Variants in CDH17 observed in about 807,000 individuals in gnomAD.
The protein encoded by CDH17 is cadherin 17.
Under a neutral mutation model 86.3 loss-of-function variants are expected in CDH17, and 67 were observed. That is an observed-to-expected ratio of 0.78 (90% CI 0.64 to 0.95). The LOEUF is 0.95. Ranked by LOEUF, CDH17 falls within the 40% of genes least tolerant of loss-of-function variation. CDH17 has a pLI of 0.00. For missense variants in CDH17, 993 were observed against 1,017.6 expected, an observed-to-expected ratio of 0.98 and a Z score of 0.33; for synonymous variants, 367 against 366.4, an observed-to-expected ratio of 1.00 and a Z score of -0.02.
In CDH17 at chr8:94,200,150, G is replaced by A. The variant is rs1813876415; in HGVS notation, c.-20-5445C>T. On this transcript the variant is annotated intron_variant, in intron 1 of 17. Transcript: ENST00000027335. ...CTAGTGCTAGGATTATGTCAAAAGA[G>A]GACTTTGGTCTCTCAAACAGGTCCC... is the stretch of plus-strand genomic sequence containing the variant. Among the ~76,000 whole-genome samples, 2 of 152,126 alleles carry A rather than the reference G, an allele frequency of 1.3e-5. 1 individual carries two copies. The highest frequency in any genetic ancestry group is 4.1e-4 in the South Asian group (2 of 4,824).
chr8:94,159,977 A>C lies in CDH17; in HGVS notation c.1545T>G (p.Ile515Met), dbSNP rs773469174. 1 of 1,601,188 alleles carries C rather than the reference A, an allele frequency of 6.2e-7. No individual in the cohort carries two copies. Among genetic ancestry groups the C allele is most frequent in the Non-Finnish European group, 8.5e-7 (1 of 1,175,354 alleles). Residue 515 changes from isoleucine (I) to methionine (M), a missense_variant, in exon 12 of 18, where the codon ATT becomes ATG. Physicochemically the swap from Ile to Met is conservative, Grantham distance 10. Coordinates refer to ENST00000027335, the MANE Select transcript of CDH17 (RefSeq NM_004063.4). ...AAATAAATGGGCTATTTACCTTTTT[A>C]ATTATGACATATCCGGTGTTGGTAT... Reference protein sequence around the residue: ...DPHTNTGYVIIKKPLDFETAA... With the variant: ...DPHTNTGYVIMKKPLDFETAA...
intron 3 of CDH17, among the ~76,000 whole-genome samples, chr8:94,179,980 G>A (rs1340040936): frequency 6.6e-6 from 1 of 151,764 alleles, no homozygotes; most frequent in Non-Finnish European, 1.5e-5. Context: ...CCCAGATGTT[G>A]GATTTACTAA....
intron 2 of CDH17, 137 bp from the exon 3 acceptor site, chr8:94,189,422 G>C (rs1003736441): frequency 1.6e-6 from 1 of 635,438 alleles, no homozygotes; most frequent in African/African-American, 1.8e-5. Flanking sequence ...ACAGGAAAGA[G>C]TGTAATAGCT....
At position 94,155,784 on chromosome 8, in the gene CDH17, T is replaced by C. The variant is rs567053105; in HGVS notation, c.1552-3672A>G. On this transcript the variant is annotated intron_variant, in intron 12 of 17. Coordinates refer to ENST00000027335, the MANE Select transcript of CDH17 (RefSeq NM_004063.4). ...GGGATGGATTCGAGGTGATCCACAC[T>C]GGGGCGGGAAGACTAGCTAGAAGGC... Among the ~76,000 whole-genome samples the C allele has an allele frequency of 2.0e-5, 3 of 152,228 alleles. No homozygotes were observed. The South Asian group carries it at 6.2e-4, about 32-fold the overall frequency.
chr8:94,145,840 T>G, intron 15 of CDH17, 88 bp downstream of exon 15: 1 of 1,396,864 alleles, frequency 7.2e-7, no homozygotes, highest in Non-Finnish European at 9.8e-7. Context: ...AGAAAGCTCT[T>G]TGCTGAGTAC....
intron 5 of CDH17, 48 bp from the exon 6 acceptor site, chr8:94,174,308 G>A: frequency 1.3e-6 from 2 of 1,519,152 alleles, no homozygotes; most frequent in South Asian, 1.3e-5. Context: ...GATATTAATT[G>A]AAACCCAAAC....
intron 2 of CDH17, among the ~76,000 whole-genome samples, chr8:94,193,611 AC>A (rs1450703701): frequency 6.6e-6 from 1 of 152,152 alleles, no homozygotes; most frequent in Non-Finnish European, 1.5e-5. Context: ...ATTTGTCACT[AC>A]CCTGGGATAA....
rs201712089 is a variant in CDH17 at position 94,151,896 on chromosome 8, C to A, written c.1768G>T (p.Ala590Ser). 2.1e-4 allele frequency: 347 copies of A among 1,614,232 alleles called. No homozygotes were observed. Among genetic ancestry groups the A allele is most frequent in the Non-Finnish European group, 2.6e-4 (311 of 1,180,022 alleles). ...ATGTCCAGACCTTCTGGATCCTTGG[C>A]AGTCACATTGCCCACTTTAGTGCCT... ...AIGTKVGNVT[A>S]KDPEGLDISY... The change falls in exon 13 of 18, where the codon GCC becomes TCC. Residue 590 changes from alanine (A) to serine (S), a missense_variant. By Grantham distance (99) the Ala-to-Ser change is moderately conservative. Coordinates refer to ENST00000027335, the MANE Select transcript of CDH17 (RefSeq NM_004063.4).
At chr8:94,198,119 G>A (rs1195183858) in intron 1 of CDH17, among the ~76,000 whole-genome samples, 1 of 152,030 alleles carries the variant, frequency 6.6e-6, no homozygotes, top group African/African-American at 2.4e-5. Flanking sequence ...CAGAGATAGA[G>A]CTGTAGAGAT....
At chr8:94,136,231 T>TAATA (rs2130574347) in intron 15 of CDH17, among the ~76,000 whole-genome samples, 1 of 152,364 alleles carries the variant, frequency 6.6e-6, no homozygotes, top group African/African-American at 2.4e-5. Flanking sequence ...TTCTCCTGGA[T>TAATA]AATATCCTGA....
In CDH17 at chr8:94,162,083, C is replaced by A; in HGVS notation, c.1359+3G>T. On this transcript the variant is annotated splice_donor_region_variant and intron_variant, in intron 11 of 17. Transcript: ENST00000027335. ...GAAAAAACAAATAATGACAACTACT[C>A]ACATCTGATTTTTCAAAGATGGGGA... is the stretch of plus-strand genomic sequence containing the variant. The A allele has an allele frequency of 6.6e-7, 1 of 1,524,412 alleles. No homozygotes were observed. Among genetic ancestry groups the A allele is most frequent in the South Asian group, 1.1e-5 (1 of 89,072 alleles). 94.4% of individuals were successfully genotyped at this position (1,524,412 alleles called of 1,614,324 possible).
rs760098393 is a variant in CDH17 at position 94,189,252 on chromosome 8, C to T, written c.85G>A (p.Gly29Arg). ...GAAAATGTCATGGGTTTCAGGGGTC[C>T]ACTAAACTTCCCCTCTTGGCCATAT... ...TGYGQEGKFS[G>R]PLKPMTFSIY... Residue 29 changes from glycine to arginine, a missense_variant, in exon 3 of 18, where the codon GGA becomes AGA. Gly to Arg is a moderately radical substitution (Grantham distance 125). Coordinates refer to ENST00000027335, the MANE Select transcript of CDH17 (RefSeq NM_004063.4). 8 of 1,612,514 alleles carry T rather than the reference C, an allele frequency of 5.0e-6. No homozygotes were observed. Among genetic ancestry groups the T allele is most frequent in the Non-Finnish European group, 6.8e-6 (8 of 1,179,608 alleles).
chr8:94,142,018 CAG>C (rs1395133083), intron 15 of CDH17, among the ~76,000 whole-genome samples: 2 of 152,054 alleles, frequency 1.3e-5, no homozygotes, highest in African/African-American at 4.8e-5. Flanking sequence ...ATTGATGAAA[CAG>C]AAAAATTCAG....
chr8:94,155,268 G>A (rs1051935981), intron 12 of CDH17, among the ~76,000 whole-genome samples: 3 of 151,900 alleles, frequency 2.0e-5, no homozygotes, highest in Non-Finnish European at 4.4e-5. Flanking sequence ...AGTAGAGGTG[G>A]GGAGAACAAG....
intron 9 of CDH17, 94 bp from the exon 10 acceptor site, chr8:94,166,070 C>T (rs756664159): frequency 2.4e-5 from 18 of 740,392 alleles, no homozygotes; most frequent in East Asian, 1.8e-4. Flanking sequence ...CTAGAAAACA[C>T]CATGAATAAC....
chr8:94,136,106 C>T (rs1368870217), intron 15 of CDH17, among the ~76,000 whole-genome samples: 3 of 152,102 alleles, frequency 2.0e-5, no homozygotes, highest in Non-Finnish European at 2.9e-5. Context: ...TCATTTCAAC[C>T]TTGGTGAATC....
At chr8:94,153,749 A>T (rs1174220870) in intron 12 of CDH17, among the ~76,000 whole-genome samples, 2 of 152,238 alleles carry the variant, frequency 1.3e-5, no homozygotes, top group Non-Finnish European at 2.9e-5. Flanking sequence ...CATTTGTGAT[A>T]ACACGGATGA....
At chr8:94,205,841 T>C (rs531239135) in intron 1 of CDH17, among the ~76,000 whole-genome samples, 7 of 152,280 alleles carry the variant, frequency 4.6e-5, no homozygotes, top group African/African-American at 1.7e-4. Flanking sequence ...AGGAAACTGA[T>C]GCTTAGAGCG....
intron 1 of CDH17, among the ~76,000 whole-genome samples, chr8:94,196,902 A>G (rs565270147): frequency 1.3e-5 from 2 of 152,278 alleles, no homozygotes; most frequent in East Asian, 3.9e-4. Flanking sequence ...CAGGTAGAGA[A>G]TCCATCTGCA....
Sources: gnomAD v4.1 joint callset for allele counts (sites outside exome capture counted in the v4.1 genomes callset) on GRCh38, gnomAD v4.1.1 for gene constraint, MANE v1.5 for transcripts, NCBI Gene and HGNC (gene_info 2026-07-23, HGNC 2026-07-21) for gene names.